Variants in GALNT13 observed in about 807,000 individuals in gnomAD.
GALNT13 encodes UDP-GalNAc:polypeptide N-acetylgalactosaminyltransferase 13.
Under a neutral mutation model 64.2 loss-of-function variants are expected in GALNT13, and 28 were observed. The observed-to-expected ratio is 0.44, with a 90% CI of 0.32 to 0.60. The LOEUF (loss-of-function observed/expected upper bound fraction) is 0.60, where lower values mean the gene tolerates loss of function less well. Among genes scored for constraint, GALNT13 ranks in the 20% least tolerant of loss-of-function variants. The pLI, the probability that GALNT13 is intolerant of heterozygous loss-of-function variation, is 0.05. For missense variants in GALNT13, 577 were observed against 669.8 expected, an observed-to-expected ratio of 0.86 and a Z score of 1.53; for synonymous variants, 214 against 224.6, an observed-to-expected ratio of 0.95 and a Z score of 0.42.
chr2:153,838,550 T>C, the GALNT13 span, among the ~76,000 whole-genome samples: 920 of 152,032 alleles, frequency 6.1e-3, 3 homozygotes, highest in Middle Eastern at 0.01. Flanking sequence ...GATGCCTTCA[T>C]TGAAGATTAG....
At chr2:153,713,774 A>G in the GALNT13 span, among the ~76,000 whole-genome samples, 3 of 152,316 alleles carry the variant, frequency 2.0e-5, no homozygotes, top group South Asian at 6.2e-4. Flanking sequence ...GTGAGCCACT[A>G]CGCCTAGCCA....
At chr2:153,501,233 T>C in the GALNT13 span, among the ~76,000 whole-genome samples, 16 of 152,350 alleles carry the variant, frequency 1.1e-4, no homozygotes, top group East Asian at 2.9e-3. Context: ...CTTTTACTCA[T>C]GAAGAGGGAA....
the GALNT13 span, among the ~76,000 whole-genome samples, chr2:153,100,295 C>G: frequency 2.6e-5 from 4 of 152,180 alleles, no homozygotes; most frequent in Non-Finnish European, 5.9e-5. Flanking sequence ...GAGCACATGC[C>G]ATAAATTGCT....
the GALNT13 span, among the ~76,000 whole-genome samples, chr2:153,534,518 C>CTTTTTTTT: frequency 4.4e-4 from 54 of 123,752 alleles, no homozygotes; most frequent in African/African-American, 7.4e-4. Flanking sequence ...GCCCCTCTTT[C>CTTTTTTTT]TTTCTTTCTT....
chr2:154,177,661 A>G lies in GALNT13; in HGVS notation c.311+37156A>G, dbSNP rs569312662. On this transcript the variant is annotated intron_variant, in intron 4 of 12. Transcript: ENST00000392825. ...GTAACAGGGATACTGTGCAGTAGGA[A>G]TAGTGGGCTAGGGGAAAGGGAATAT... Among the ~76,000 whole-genome samples, 18 of 152,314 alleles carry G rather than the reference A, an allele frequency of 1.2e-4. No homozygotes were observed. The South Asian group carries it at 3.7e-3, about 32-fold the overall frequency.
chr2:154,158,687 C>G (rs934153524), intron 4 of GALNT13, among the ~76,000 whole-genome samples: 1 of 152,182 alleles, frequency 6.6e-6, no homozygotes, highest in Non-Finnish European at 1.5e-5. Context: ...TTCCTATTCT[C>G]TCTGCCTGGA....
the GALNT13 span, among the ~76,000 whole-genome samples, chr2:153,743,047 G>A: frequency 1.1e-5 from 1 of 94,246 alleles, no homozygotes; most frequent in South Asian, 6.2e-4. Context: ...GGGGAAATGA[G>A]GGGGAGGGGA....
At chr2:154,015,303 G>T (rs1450046584) in intron 3 of GALNT13, among the ~76,000 whole-genome samples, 1 of 152,152 alleles carries the variant, frequency 6.6e-6, no homozygotes, top group Non-Finnish European at 1.5e-5. Context: ...AGCAATATTT[G>T]TTAAAAATTT....
intron 3 of GALNT13, among the ~76,000 whole-genome samples, chr2:154,104,183 T>C (rs530086469): frequency 1.5e-5 from 2 of 129,604 alleles, no homozygotes; most frequent in Non-Finnish European, 3.1e-5. Context: ...CAGGGCATGA[T>C]GCAACTGAGT....
intron 8 of GALNT13, among the ~76,000 whole-genome samples, chr2:154,298,553 G>A (rs963303237): frequency 2.3e-4 from 13 of 55,834 alleles, no homozygotes; most frequent in African/African-American, 5.5e-4. Flanking sequence ...TATATAAATT[G>A]TATATATAAT....
the GALNT13 span, among the ~76,000 whole-genome samples, chr2:153,316,843 A>G: frequency 6.6e-6 from 1 of 152,142 alleles, no homozygotes; most frequent in Non-Finnish European, 1.5e-5. Flanking sequence ...GACGTGGCAG[A>G]GATTGACTTT....
the GALNT13 span, among the ~76,000 whole-genome samples, chr2:153,585,298 C>A: frequency 6.7e-6 from 1 of 148,176 alleles, no homozygotes; most frequent in East Asian, 1.9e-4. Flanking sequence ...ATTTTAAAGC[C>A]TCAACAACGG....
the GALNT13 span, among the ~76,000 whole-genome samples, chr2:153,711,153 T>A: frequency 2.0e-5 from 3 of 152,140 alleles, no homozygotes; most frequent in Non-Finnish European, 4.4e-5. Context: ...TAAAGCCAAG[T>A]TTTTGAAAGA....
At chr2:153,729,190 C>A in the GALNT13 span, among the ~76,000 whole-genome samples, 1 of 152,034 alleles carries the variant, frequency 6.6e-6, no homozygotes, top group African/African-American at 2.4e-5. Context: ...AAAACCAGCT[C>A]ATTTAGATGT....
chr2:154,389,830 A>G (rs1698700730), intron 9 of GALNT13, among the ~76,000 whole-genome samples: 1 of 152,170 alleles, frequency 6.6e-6, no homozygotes, highest in Non-Finnish European at 1.5e-5. Flanking sequence ...AATTATGTGT[A>G]GGGAAAACAG....
At chr2:153,618,939 G>A in the GALNT13 span, among the ~76,000 whole-genome samples, 2 of 151,864 alleles carry the variant, frequency 1.3e-5, no homozygotes, top group African/African-American at 4.8e-5. Flanking sequence ...TTTCTTGTAG[G>A]CAACAGATCA....
rs181290711 is a variant in GALNT13 at position 154,104,990 on chromosome 2, G to A, written c.143-35347G>A. On this transcript the variant is annotated intron_variant, in intron 3 of 12. Coordinates refer to ENST00000392825, the MANE Select transcript of GALNT13 (RefSeq NM_052917.4). The stretch of plus-strand genomic sequence containing the variant: ...GCCACAGTGTTGCCCAGACTTGTGA[G>A]GGCAGAGGGGCTCTCTGACAATTTG... 2.9e-3 allele frequency among the ~76,000 whole-genome samples: 442 copies of A among 152,276 alleles called. 1 individual carries two copies. Among genetic ancestry groups the A allele is most frequent in the Non-Finnish European group, 4.1e-3 (282 of 68,032 alleles).
At chr2:154,127,709 CGTGT>C (rs1553481965) in intron 3 of GALNT13, among the ~76,000 whole-genome samples, 1 of 125,910 alleles carries the variant, frequency 7.9e-6, no homozygotes, top group Admixed American at 7.8e-5. Flanking sequence ...CACACACACA[CGTGT>C]GTGTGTGTGG....
intron 3 of GALNT13, among the ~76,000 whole-genome samples, chr2:154,062,594 A>G (rs1227013333): frequency 1.3e-5 from 2 of 152,146 alleles, no homozygotes; most frequent in African/African-American, 4.8e-5. Flanking sequence ...GGAAGTGGGA[A>G]GTGCTACACA....
Sources: allele counts gnomAD v4.1 joint callset (sites outside exome capture counted in the v4.1 genomes callset), GRCh38; gene constraint gnomAD v4.1.1; transcripts MANE v1.5; gene names NCBI Gene and HGNC (gene_info 2026-07-23, HGNC 2026-07-21).